DOCK4: variants seen among roughly 807,000 people sequenced by gnomAD.
The protein encoded by DOCK4 is dedicator of cytokinesis 4.
Under a neutral mutation model 268.1 loss-of-function variants are expected in DOCK4, and 97 were observed. The observed-to-expected ratio is 0.36, with a 90% CI of 0.31 to 0.43. The LOEUF (loss-of-function observed/expected upper bound fraction) is 0.43, where lower values mean the gene tolerates loss of function less well. DOCK4 is among the 20% of genes least tolerant of loss of function. The pLI is 1.00. For synonymous variants in DOCK4, 954 were observed against 887.2 expected (o/e 1.08, Z -1.34); for missense variants, 2,145 against 2,455.7 (o/e 0.87, Z 2.67).
At chr7:111,932,828 G>A (rs376799758) in intron 12 of DOCK4, among the ~76,000 whole-genome samples, 4 of 151,930 alleles carry the variant, frequency 2.6e-5, no homozygotes, top group African/African-American at 9.7e-5. Flanking sequence ...AGCAACATAT[G>A]GCTGCTGCCT....
intron 1 of DOCK4, among the ~76,000 whole-genome samples, chr7:112,077,772 T>C (rs528880677): frequency 6.6e-6 from 1 of 152,190 alleles, no homozygotes; most frequent in African/African-American, 2.4e-5. Flanking sequence ...ACAGCACTTG[T>C]AATTTTCTGA....
At chr7:112,016,147 C>G (rs1801790265) in intron 1 of DOCK4, among the ~76,000 whole-genome samples, 1 of 152,344 alleles carries the variant, frequency 6.6e-6, no homozygotes, top group Admixed American at 6.5e-5. Flanking sequence ...TCATCTTTGT[C>G]CTGTCCAGGA....
At chr7:111,853,597 G>A (rs1167638218) in intron 23 of DOCK4, among the ~76,000 whole-genome samples, 6 of 152,294 alleles carry the variant, frequency 3.9e-5, no homozygotes, top group African/African-American at 4.8e-5. Context: ...AGTGGGCTAC[G>A]TTCTCATGCA....
chr7:111,923,032 A>C (rs1202641391), intron 12 of DOCK4, among the ~76,000 whole-genome samples: 3 of 152,142 alleles, frequency 2.0e-5, no homozygotes, highest in East Asian at 3.8e-4. Flanking sequence ...GCATCTGTGG[A>C]TTCAACCAGC....
intron 1 of DOCK4, among the ~76,000 whole-genome samples, chr7:112,205,772 G>GACACACAC (rs35579043): frequency 2.9e-4 from 43 of 148,854 alleles, no homozygotes; most frequent in African/African-American, 7.1e-4. Context: ...CTTCCAACTT[G>GACACACAC]ACACACACAC....
chr7:111,911,963 C>T (rs2134497225), intron 13 of DOCK4, among the ~76,000 whole-genome samples: 1 of 152,260 alleles, frequency 6.6e-6, no homozygotes, highest in East Asian at 1.9e-4. Flanking sequence ...ACCAAGTAAA[C>T]AGTTCTATAA....
chr7:111,755,638 C>T (rs2133552304), intron 41 of DOCK4, 37 bp from the exon 42 acceptor site: 2 of 1,596,800 alleles, frequency 1.3e-6, no homozygotes, highest in Non-Finnish European at 1.7e-6. Context: ...TCCCAAGTTG[C>T]CCTTCTTTCT....
chr7:111,741,171 G>A lies in DOCK4; in HGVS notation c.4963C>T (p.Leu1655=), dbSNP rs770316974. Residue 1655 remains leucine (L), a synonymous_variant, in exon 47 of 53, where the codon CTG becomes TTG. Transcript: ENST00000428084. ...PAVNRYSSSS[L]SSQASAEVSN... ...ACTTCAGCAGAAGCTTGTGAGGACA[G>A]TGAGGAGGAAGAATATCGGTTGACA... is the stretch of plus-strand genomic sequence containing the variant. The A allele has an allele frequency of 3.1e-6, 5 of 1,613,866 alleles. No individual in the cohort carries two copies. The highest frequency in any genetic ancestry group is 4.2e-6 in the Non-Finnish European group (5 of 1,179,888).
At chr7:111,893,290 A>T (rs1586287771) in intron 16 of DOCK4, among the ~76,000 whole-genome samples, 1 of 152,190 alleles carries the variant, frequency 6.6e-6, no homozygotes, top group Non-Finnish European at 1.5e-5. Flanking sequence ...CTAATCAGCA[A>T]CTGAGAATCT....
chr7:112,113,930 T>A (rs1422448298), intron 1 of DOCK4, among the ~76,000 whole-genome samples: 1 of 151,978 alleles, frequency 6.6e-6, no homozygotes, highest in Non-Finnish European at 1.5e-5. Flanking sequence ...CCCAGCCTGA[T>A]ATAAATTTAG....
intron 23 of DOCK4, among the ~76,000 whole-genome samples, chr7:111,862,119 T>G (rs1805586268): frequency 6.6e-6 from 1 of 151,964 alleles, no homozygotes; most frequent in South Asian, 2.1e-4. Context: ...AACAACATGG[T>G]GAAACCCTGC....
At chr7:112,028,411 A>C (rs1802989808) in intron 1 of DOCK4, among the ~76,000 whole-genome samples, 1 of 152,190 alleles carries the variant, frequency 6.6e-6, no homozygotes, top group Non-Finnish European at 1.5e-5. Context: ...CAGACCTTGC[A>C]TCAAAAGGAC....
chr7:111,908,012 G>T (rs930236620), intron 13 of DOCK4, among the ~76,000 whole-genome samples: 10 of 152,120 alleles, frequency 6.6e-5, no homozygotes, highest in African/African-American at 1.9e-4. Flanking sequence ...ACAGGTGTGT[G>T]CCATCATGCC....
Position 111,809,374 on chromosome 7 carries a change from C to A in DOCK4, c.3034G>T (p.Val1012Phe). The A allele has an allele frequency of 6.4e-7, 1 of 1,564,908 alleles. No homozygotes were observed. The highest frequency in any genetic ancestry group is 8.7e-7 in the Non-Finnish European group (1 of 1,152,996). Residue 1012 changes from valine (V) to phenylalanine (F), a missense_variant, in exon 29 of 53, where the codon GTC (valine) becomes TTC (phenylalanine). By Grantham distance (50) the Val-to-Phe change is conservative. Coordinates refer to ENST00000428084, the MANE Select transcript of DOCK4 (RefSeq NM_001363540.2). The part of the protein sequence containing the change: ...KIWDSYFYLA[V>F]IFINQLCLQL... ...AGACACAACTGGTTTATAAAAATGA[C>A]TGCGAGGTAAAAGTAGGAATCCCAG...
chr7:111,949,643 GA>G (rs199720303), intron 8 of DOCK4, among the ~76,000 whole-genome samples: 14 of 139,730 alleles, frequency 1.0e-4, no homozygotes, highest in South Asian at 2.3e-4. Flanking sequence ...AAAGAAAAAA[GA>G]AAAAAAAAAG....
intron 1 of DOCK4, among the ~76,000 whole-genome samples, chr7:112,125,095 CA>C (rs1219201570): frequency 6.6e-6 from 1 of 152,164 alleles, no homozygotes; most frequent in Non-Finnish European, 1.5e-5. Context: ...ACAGCTTCAC[CA>C]AATTTGAAAT....
intron 25 of DOCK4, among the ~76,000 whole-genome samples, chr7:111,838,081 T>A (rs1460153267): frequency 1.1e-4 from 10 of 93,286 alleles, no homozygotes; most frequent in African/African-American, 1.5e-4. Flanking sequence ...AGCGAAACCC[T>A]ACCTCAAAAA....
At chr7:111,871,899 C>A in intron 20 of DOCK4, 91 bp downstream of exon 20, 1 of 1,015,302 alleles carries the variant, frequency 9.8e-7, no homozygotes, top group South Asian at 1.8e-5. Flanking sequence ...TCTTCCTACA[C>A]TCCCTTTTAA....
intron 8 of DOCK4, among the ~76,000 whole-genome samples, chr7:111,973,280 C>T (rs1797882336): frequency 6.6e-6 from 1 of 151,032 alleles, no homozygotes; most frequent in Admixed American, 6.6e-5. Context: ...CATGAGTGTG[C>T]AAGTATCTTT....
Sources: gnomAD v4.1 joint callset for allele counts (sites outside exome capture counted in the v4.1 genomes callset) on GRCh38, gnomAD v4.1.1 for gene constraint, MANE v1.5 for transcripts, NCBI Gene and HGNC (gene_info 2026-07-23, HGNC 2026-07-21) for gene names.